The following PAPSS2 variants were observed in gnomAD, a reference collection of about 807,000 sequenced individuals.
PAPSS2 encodes the protein 3'-phosphoadenosine 5'-phosphosulfate synthase 2.
PAPSS2 carries 61 observed loss-of-function variants against 66.5 expected under a neutral mutation model. That is an observed-to-expected ratio of 0.92 (90% CI 0.75 to 1.14). The LOEUF (loss-of-function observed/expected upper bound fraction) is 1.14. Ranked by LOEUF, PAPSS2 falls within the 50% of genes most tolerant of loss-of-function variation. PAPSS2 has a pLI of 0.00. For synonymous variants in PAPSS2, 289 were observed against 287.5 expected (o/e 1.01, Z -0.05); for missense variants, 708 against 789.6 (o/e 0.90, Z 1.24).
chr10:87,725,661 A>G (rs562528820), intron 8 of PAPSS2, among the ~76,000 whole-genome samples: 17 of 152,234 alleles, frequency 1.1e-4, no homozygotes, highest in African/African-American at 3.9e-4. Flanking sequence ...AATAACATCA[A>G]GAGGACTGCT....
intron 1 of PAPSS2, among the ~76,000 whole-genome samples, chr10:87,663,269 G>A (rs554332371): frequency 1.3e-5 from 2 of 151,872 alleles, no homozygotes; most frequent in African/African-American, 4.8e-5. Context: ...GTACCACCAC[G>A]CCCAGCTAAT....
At chr10:87,725,613 G>A (rs2131719591) in intron 8 of PAPSS2, among the ~76,000 whole-genome samples, 1 of 152,314 alleles carries the variant, frequency 6.6e-6, no homozygotes, top group Middle Eastern at 3.4e-3. Context: ...GGGAGCAGGA[G>A]GGGGAAGAAA....
At chr10:87,716,012 T>C (rs1853528275) in intron 7 of PAPSS2, among the ~76,000 whole-genome samples, 169 bp downstream of exon 7, 1 of 152,232 alleles carries the variant, frequency 6.6e-6, no homozygotes, top group Non-Finnish European at 1.5e-5. Flanking sequence ...CTTCCATTTT[T>C]AGGATTTTTT....
chr10:87,694,791 G>C (rs919708446), intron 1 of PAPSS2, among the ~76,000 whole-genome samples: 1 of 152,192 alleles, frequency 6.6e-6, no homozygotes, highest in African/African-American at 2.4e-5. Context: ...TAACCTGATT[G>C]TCAACTGGAA....
At chr10:87,739,245 C>T (rs577955582) in intron 9 of PAPSS2, among the ~76,000 whole-genome samples, 60 of 152,272 alleles carry the variant, frequency 3.9e-4, no homozygotes, top group Non-Finnish European at 7.6e-4. Flanking sequence ...GTTTTCCCAA[C>T]ATTATTTGTT....
At chr10:87,678,896 A>T (rs576258053) in intron 1 of PAPSS2, among the ~76,000 whole-genome samples, 2 of 152,340 alleles carry the variant, frequency 1.3e-5, no homozygotes, top group South Asian at 2.1e-4. Flanking sequence ...TAAAAACAGA[A>T]CTATGATACA....
chr10:87,729,305 C>G (rs1006382154), intron 9 of PAPSS2, among the ~76,000 whole-genome samples: 7 of 151,668 alleles, frequency 4.6e-5, no homozygotes, highest in African/African-American at 1.7e-4. Flanking sequence ...GTGCCATTTT[C>G]CCAGCAGCGT....
chr10:87,681,521 G>T, intron 1 of PAPSS2, among the ~76,000 whole-genome samples: 1 of 152,156 alleles, frequency 6.6e-6, no homozygotes, highest in Non-Finnish European at 1.5e-5. Context: ...AGAATGAAAA[G>T]ACTTTTCTTA....
chr10:87,708,789 T>C (rs1033717432), intron 1 of PAPSS2, among the ~76,000 whole-genome samples: 6 of 152,252 alleles, frequency 3.9e-5, no homozygotes, highest in Non-Finnish European at 7.3e-5. Context: ...GATACAGTTG[T>C]TGAAGACTAT....
Position 87,713,312 on chromosome 10 carries a change from T to TACAAAAAAAAAAAAAAAAAAAAAAA in PAPSS2, c.381+3_381+4insCAAAAAAAAAAAAAAAAAAAAAAAA. The TACAAAAAAAAAAAAAAAAAAAAAAA allele has an allele frequency of 1.7e-6, 1 of 573,440 alleles. No homozygotes were observed. Among genetic ancestry groups the TACAAAAAAAAAAAAAAAAAAAAAAA allele is most frequent in the African/African-American group, 3.2e-5 (1 of 30,812 alleles). 35.5% of individuals were successfully genotyped at this position (573,440 alleles called of 1,614,324 possible). On this transcript the variant is annotated splice_region_variant and intron_variant, in intron 3 of 12. Transcript: ENST00000456849. The stretch of plus-strand genomic sequence containing the variant: ...AGCTTTATTTCTCCATTCGCAAAGG[T>TACAAAAAAAAAAAAAAAAAAAAAAA]AAAAAAAAAAAAAAAAAAAAAAGGC...
intron 1 of PAPSS2, among the ~76,000 whole-genome samples, chr10:87,679,951 C>T (rs1022722984): frequency 7.3e-5 from 11 of 150,592 alleles, no homozygotes; most frequent in Middle Eastern, 3.4e-3. Context: ...GCTTGAGACT[C>T]GAAGGTCAAG....
intron 9 of PAPSS2, among the ~76,000 whole-genome samples, chr10:87,738,233 C>CATAA (rs1853823311): frequency 6.6e-6 from 1 of 152,144 alleles, no homozygotes; most frequent in Non-Finnish European, 1.5e-5. Flanking sequence ...AATATACACC[C>CATAA]ATAAGTAGGA....
At chr10:87,690,210 CTAGT>C (rs2131912760) in intron 1 of PAPSS2, among the ~76,000 whole-genome samples, 1 of 152,122 alleles carries the variant, frequency 6.6e-6, no homozygotes, top group South Asian at 2.1e-4. Flanking sequence ...CAAAAAAGAG[CTAGT>C]TAAATATATA....
intron 1 of PAPSS2, chr10:87,660,845 T>C (rs1459934824): frequency 5.6e-6 from 1 of 179,186 alleles, no homozygotes; most frequent in Non-Finnish European, 1.1e-5. Context: ...CCGGGAGCAG[T>C]AATCATAGAC....
chr10:87,668,291 C>T (rs1226332170), intron 1 of PAPSS2, among the ~76,000 whole-genome samples: 2 of 152,156 alleles, frequency 1.3e-5, no homozygotes, highest in Non-Finnish European at 2.9e-5. Context: ...TTTCCTTTTT[C>T]AGTTCCTGTC....
chr10:87,695,674 C>A (rs1853223381), intron 1 of PAPSS2, among the ~76,000 whole-genome samples: 1 of 152,120 alleles, frequency 6.6e-6, no homozygotes, highest in Non-Finnish European at 1.5e-5. Flanking sequence ...CAAGAAAGTT[C>A]TTATGTGATA....
chr10:87,701,360 CTT>C (rs1306866511), intron 1 of PAPSS2, among the ~76,000 whole-genome samples: 1 of 98,680 alleles, frequency 1.0e-5, no homozygotes, highest in East Asian at 2.7e-4. Flanking sequence ...TTCTTTCTTT[CTT>C]TCTTTCTTTC....
chr10:87,706,585 T>G (rs72811972), intron 1 of PAPSS2, among the ~76,000 whole-genome samples: 21,396 of 142,394 alleles, frequency 0.15, 1,665 homozygotes, highest in South Asian at 0.23. Context: ...GGTGAGACCC[T>G]ATCTGTACAA....
chr10:87,746,636 CCT>C lies in PAPSS2; in HGVS notation c.*669_*670del, dbSNP rs1341688766. On this transcript the variant is annotated 3_prime_UTR_variant, in exon 13 of 13. Transcript: ENST00000456849. ...TGTCTAATAAGAGAAGTCTTAATGG[CCT>C]CTGTGAATAATGTAACTCCAGTTAC... is the stretch of plus-strand genomic sequence containing the variant. 1 of 152,134 alleles carries C rather than the reference CCT, an allele frequency of 6.6e-6. No homozygotes were observed. The highest frequency in any genetic ancestry group is 1.9e-4 in the East Asian group (1 of 5,192). The allele number at this position is 152,134 out of a possible 1,614,324, so 9.4% of individuals were successfully genotyped here.
Sources: allele counts gnomAD v4.1 joint callset (sites outside exome capture counted in the v4.1 genomes callset), GRCh38; gene constraint gnomAD v4.1.1; transcripts MANE v1.5; gene names NCBI Gene and HGNC (gene_info 2026-07-23, HGNC 2026-07-21).